The following MTMR7 variants were observed in gnomAD, a reference collection of about 807,000 sequenced individuals.
MTMR7 encodes myotubularin related protein 7.
Under a neutral mutation model 81.2 loss-of-function variants are expected in MTMR7, and 76 were observed. The ratio of observed to expected loss-of-function variants is 0.94; its 90% CI spans 0.78 to 1.13. MTMR7 has a LOEUF of 1.13. MTMR7 is among the 50% of genes most tolerant of loss of function. The pLI is 0.00. For synonymous variants in MTMR7, 372 were observed against 289.8 expected (o/e 1.28, Z -2.88); for missense variants, 1,044 against 820.0 (o/e 1.27, Z -3.34).
intron 1 of MTMR7, among the ~76,000 whole-genome samples, chr8:17,391,912 T>C (rs1239223492): frequency 1.3e-5 from 2 of 152,208 alleles, no homozygotes; most frequent in Non-Finnish European, 2.9e-5. Context: ...GTTTATGTCC[T>C]GGGAAGTACT....
intron 1 of MTMR7, among the ~76,000 whole-genome samples, chr8:17,391,910 C>A (rs1383029318): frequency 6.6e-6 from 1 of 152,106 alleles, no homozygotes; most frequent in Non-Finnish European, 1.5e-5. Context: ...GGGTTTATGT[C>A]CTGGGAAGTA....
Position 17,341,393 on chromosome 8 carries a change from G to C in MTMR7, c.702C>G (p.Asp234Glu). The C allele has an allele frequency of 6.2e-7, 1 of 1,614,198 alleles. No individual in the cohort carries two copies. The highest frequency in any genetic ancestry group is 1.1e-5 in the South Asian group (1 of 91,086). The change falls in exon 6 of 14, where the codon GAC becomes GAG. Residue 234 changes from aspartate (D) to glutamate (E), a missense_variant. Coordinates refer to ENST00000180173, the MANE Select transcript of MTMR7 (RefSeq NM_004686.5). ...GCCGGGTGTCAACGACATAAACGAA[G>C]TCACTTCCTGGATTGGCTTTCCTAA... ...QAIRKANPGS[D>E]FVYVVDTRPK...
rs1563383902 is a variant in MTMR7 at position 17,405,863 on chromosome 8, CA to C, written c.24+7405del. Among the ~76,000 whole-genome samples, 4 of 94,206 alleles carry C rather than the reference CA, an allele frequency of 4.2e-5. No homozygotes were observed. In the East Asian group the frequency reaches 1.3e-3, roughly 30 times the overall value. 61.8% of individuals were successfully genotyped at this position (94,206 alleles called of 152,430 possible). ...ACACACACACACACACACACACACA[CA>C]CACACACACACACACCACAGAGAAA... is the stretch of plus-strand genomic sequence containing the variant. On this transcript the variant is annotated intron_variant, in intron 1 of 13. Transcript: ENST00000180173.
chr8:17,397,454 G>A (rs1036394633), intron 1 of MTMR7, among the ~76,000 whole-genome samples: 2 of 152,182 alleles, frequency 1.3e-5, no homozygotes, highest in Non-Finnish European at 2.9e-5. Context: ...TGGACCAGTG[G>A]TAGTGGTGGC....
At chr8:17,386,140 C>A (rs912068267) in intron 1 of MTMR7, among the ~76,000 whole-genome samples, 2 of 152,136 alleles carry the variant, frequency 1.3e-5, no homozygotes, top group African/African-American at 4.8e-5. Flanking sequence ...CTTTGGGAGC[C>A]TGAGGCAGGA....
intron 7 of MTMR7, among the ~76,000 whole-genome samples, chr8:17,321,088 C>G (rs949472689): frequency 6.6e-6 from 1 of 152,078 alleles, no homozygotes; most frequent in Non-Finnish European, 1.5e-5. Context: ...GTTCAGGGGG[C>G]CTGAGGAATA....
chr8:17,406,815 C>T (rs1244382583), intron 1 of MTMR7, among the ~76,000 whole-genome samples: 1 of 152,098 alleles, frequency 6.6e-6, no homozygotes, highest in Non-Finnish European at 1.5e-5. Context: ...ATACATGCTA[C>T]AACTTAGACA....
At chr8:17,351,785 G>C (rs997044312) in intron 4 of MTMR7, among the ~76,000 whole-genome samples, 1 of 152,232 alleles carries the variant, frequency 6.6e-6, no homozygotes, top group African/African-American at 2.4e-5. Flanking sequence ...GAATGCATTT[G>C]AGAAAAGCAG....
At chr8:17,350,683 G>A (rs958682685) in intron 4 of MTMR7, among the ~76,000 whole-genome samples, 2 of 152,112 alleles carry the variant, frequency 1.3e-5, no homozygotes, top group Non-Finnish European at 1.5e-5. Flanking sequence ...GGGTTTGTAG[G>A]GGTTGAAAAC....
chr8:17,404,339 G>C (rs572043870), intron 1 of MTMR7, among the ~76,000 whole-genome samples: 3 of 152,250 alleles, frequency 2.0e-5, no homozygotes, highest in African/African-American at 7.2e-5. Context: ...ATTGGAAAGA[G>C]TACAAGAGGA....
chr8:17,320,009 A>G (rs1818298323), intron 7 of MTMR7, among the ~76,000 whole-genome samples: 1 of 152,336 alleles, frequency 6.6e-6, no homozygotes, highest in African/African-American at 2.4e-5. Context: ...ATCAAATTTT[A>G]AAGGCATGCT....
chr8:17,360,993 G>A, intron 4 of MTMR7, 124 bp downstream of exon 4: 2 of 1,104,468 alleles, frequency 1.8e-6, no homozygotes, highest in Non-Finnish European at 2.6e-6. Context: ...AGAGAGACCT[G>A]GAAATCCACA....
chr8:17,326,389 T>C (rs2150520602), intron 7 of MTMR7: 1 of 152,306 alleles, frequency 6.6e-6, no homozygotes, highest in East Asian at 1.9e-4. Context: ...ATAGTAAGCC[T>C]TCCATAAACG....
At chr8:17,331,046 A>T in intron 7 of MTMR7, 104 bp downstream of exon 7, 1 of 1,352,456 alleles carries the variant, frequency 7.4e-7, no homozygotes, top group Non-Finnish European at 1.0e-6. Flanking sequence ...TTCCCAAATT[A>T]TCACACCTAT....
intron 1 of MTMR7, among the ~76,000 whole-genome samples, chr8:17,381,093 C>A (rs1351479536): frequency 1.3e-5 from 2 of 152,086 alleles, no homozygotes; most frequent in Admixed American, 1.3e-4. Flanking sequence ...AAAGGGTGAA[C>A]AAGGTAGCAT....
chr8:17,329,896 A>G (rs886914211), intron 7 of MTMR7, among the ~76,000 whole-genome samples: 1 of 152,190 alleles, frequency 6.6e-6, no homozygotes, highest in Admixed American at 6.5e-5. Context: ...CTGACTGCCA[A>G]TTATGTACAG....
At chr8:17,353,431 C>T (rs956998945) in intron 4 of MTMR7, among the ~76,000 whole-genome samples, 7 of 152,156 alleles carry the variant, frequency 4.6e-5, no homozygotes, top group African/African-American at 1.7e-4. Flanking sequence ...GCAAACTTTA[C>T]GTTATGCATT....
chr8:17,384,641 G>A (rs1441677456), intron 1 of MTMR7, among the ~76,000 whole-genome samples: 1 of 152,152 alleles, frequency 6.6e-6, no homozygotes, highest in East Asian at 1.9e-4. Flanking sequence ...ATGTAGAATT[G>A]CCATGATCTC....
At chr8:17,395,009 A>C (rs1243606580) in intron 1 of MTMR7, among the ~76,000 whole-genome samples, 1 of 152,184 alleles carries the variant, frequency 6.6e-6, no homozygotes, top group East Asian at 1.9e-4. Flanking sequence ...AACCATCACC[A>C]CTATCAATTT....
Sources: allele counts gnomAD v4.1 joint callset (sites outside exome capture counted in the v4.1 genomes callset), GRCh38; gene constraint gnomAD v4.1.1; transcripts MANE v1.5; gene names NCBI Gene and HGNC (gene_info 2026-07-23, HGNC 2026-07-21).